Variants in NKAIN2 observed in about 807,000 individuals in gnomAD.
NKAIN2 encodes sodium/potassium transporting ATPase interacting 2.
In NKAIN2, 14 loss-of-function variants were observed where a neutral mutation model predicts 32.6. The observed-to-expected ratio is 0.43, with a 90% CI of 0.28 to 0.67. NKAIN2 has a LOEUF of 0.67. NKAIN2 is among the 30% of genes least tolerant of loss of function. The pLI is 0.17. For missense variants in NKAIN2, 198 were observed against 258.3 expected, an observed-to-expected ratio of 0.77 and a Z score of 1.60; for synonymous variants, 80 against 87.2, an observed-to-expected ratio of 0.92 and a Z score of 0.46.
intron 2 of NKAIN2, among the ~76,000 whole-genome samples, chr6:124,297,242 T>C (rs1472330570): frequency 6.6e-6 from 1 of 152,200 alleles, no homozygotes. Flanking sequence ...TAGTCTATTA[T>C]TTATTGGAAG....
At chr6:124,727,749 A>C in intron 4 of NKAIN2, among the ~76,000 whole-genome samples, 1 of 138,648 alleles carries the variant, frequency 7.2e-6, no homozygotes. Flanking sequence ...TCCAATTAAA[A>C]GACACAGACT....
chr6:124,283,970 G>T (rs1279516271), intron 2 of NKAIN2, among the ~76,000 whole-genome samples: 1 of 152,180 alleles, frequency 6.6e-6, no homozygotes, highest in Admixed American at 6.5e-5. Flanking sequence ...CAAACCAGCA[G>T]CCCTTCTCAT....
At chr6:124,725,234 GCTTTT>G (rs1776213976) in intron 4 of NKAIN2, among the ~76,000 whole-genome samples, 1 of 152,058 alleles carries the variant, frequency 6.6e-6, no homozygotes, top group South Asian at 2.1e-4. Flanking sequence ...TAGAAAACTG[GCTTTT>G]CTTTTGGCCA....
At chr6:124,509,511 A>C (rs1778627998) in intron 3 of NKAIN2, among the ~76,000 whole-genome samples, 1 of 152,184 alleles carries the variant, frequency 6.6e-6, no homozygotes, top group East Asian at 1.9e-4. Context: ...CTTGCTAGTT[A>C]GACGTCTTTA....
intron 1 of NKAIN2, among the ~76,000 whole-genome samples, chr6:124,234,686 G>C (rs550399304): frequency 6.6e-6 from 1 of 151,814 alleles, no homozygotes; most frequent in South Asian, 2.1e-4. Context: ...ATCCTCCATC[G>C]GTGTTGTCTA....
At chr6:124,592,178 G>A (rs1391587911) in intron 3 of NKAIN2, among the ~76,000 whole-genome samples, 1 of 152,128 alleles carries the variant, frequency 6.6e-6, no homozygotes, top group Non-Finnish European at 1.5e-5. Flanking sequence ...TAAACTTGGA[G>A]TTTGATAGAG....
chr6:123,920,341 T>G (rs1382709741), intron 1 of NKAIN2, among the ~76,000 whole-genome samples: 1 of 152,156 alleles, frequency 6.6e-6, no homozygotes, highest in African/African-American at 2.4e-5. Flanking sequence ...TTGGGCTGAT[T>G]TTTGGTGCAC....
At chr6:124,092,494 T>A (rs1784475011) in intron 1 of NKAIN2, among the ~76,000 whole-genome samples, 1 of 152,068 alleles carries the variant, frequency 6.6e-6, no homozygotes, top group East Asian at 1.9e-4. Flanking sequence ...TATTAAAAAC[T>A]TTTTTTCTGT....
chr6:123,884,890 T>A (rs1237362372), intron 1 of NKAIN2, among the ~76,000 whole-genome samples: 1 of 152,158 alleles, frequency 6.6e-6, no homozygotes, highest in African/African-American at 2.4e-5. Flanking sequence ...TAACAGTGTC[T>A]ATATTTTTAG....
chr6:124,257,108 C>T (rs1312125692), intron 1 of NKAIN2, among the ~76,000 whole-genome samples: 2 of 151,390 alleles, frequency 1.3e-5, no homozygotes, highest in Non-Finnish European at 2.9e-5. Context: ...CACCTCTAAT[C>T]AGACTGGTCA....
chr6:124,118,006 T>C (rs1785699276), intron 1 of NKAIN2, among the ~76,000 whole-genome samples: 1 of 151,962 alleles, frequency 6.6e-6, no homozygotes, highest in African/African-American at 2.4e-5. Flanking sequence ...GCCCTGTAGA[T>C]AGCTGCAGAT....
intron 3 of NKAIN2, among the ~76,000 whole-genome samples, chr6:124,407,959 T>A (rs1304460822): frequency 6.6e-6 from 1 of 151,972 alleles, no homozygotes; most frequent in African/African-American, 2.4e-5. Flanking sequence ...ATGATGAGCA[T>A]TTTTTCATGT....
rs189501582 is a variant in NKAIN2, at chr6:124,565,200, T to C, written c.274-92986T>C. Among the ~76,000 whole-genome samples, 13 of 152,292 alleles carry C rather than the reference T, an allele frequency of 8.5e-5. No individual in the cohort carries two copies. In the East Asian group the frequency reaches 2.5e-3, roughly 29 times the overall value. ...TAACTTTGCATATCCAGAAACTTGATTCTTAGTGCTCAGGCAGAATGAGCA... is the reference window on the plus strand; with the variant it reads ...TAACTTTGCATATCCAGAAACTTGACTCTTAGTGCTCAGGCAGAATGAGCA... On this transcript the variant is annotated intron_variant, in intron 3 of 6. Coordinates refer to ENST00000368417, the MANE Select transcript of NKAIN2 (RefSeq NM_001040214.3).
chr6:124,532,170 A>C (rs1779550082), intron 3 of NKAIN2, among the ~76,000 whole-genome samples: 1 of 152,196 alleles, frequency 6.6e-6, no homozygotes, highest in East Asian at 1.9e-4. Flanking sequence ...AAGAAGGTGC[A>C]GGGAGTGCCT....
At chr6:124,722,027 A>G (rs889423227) in intron 4 of NKAIN2, among the ~76,000 whole-genome samples, 3 of 152,140 alleles carry the variant, frequency 2.0e-5, no homozygotes, top group Non-Finnish European at 2.9e-5. Flanking sequence ...TTTCTCCTCC[A>G]TGATTTTGAC....
At chr6:124,024,402 C>T (rs968233310) in intron 1 of NKAIN2, among the ~76,000 whole-genome samples, 2 of 152,112 alleles carry the variant, frequency 1.3e-5, no homozygotes, top group Admixed American at 6.6e-5. Context: ...TGCTGAACGT[C>T]GGCCTCTCCC....
chr6:124,085,249 A>G (rs989507411), intron 1 of NKAIN2, among the ~76,000 whole-genome samples: 1 of 152,106 alleles, frequency 6.6e-6, no homozygotes, highest in Non-Finnish European at 1.5e-5. Flanking sequence ...TTGAAATACC[A>G]TAAATTTTTC....
At chr6:123,849,621 C>T (rs62436068) in intron 1 of NKAIN2, among the ~76,000 whole-genome samples, 2,281 of 152,184 alleles carry the variant, frequency 0.015, 32 homozygotes, top group Non-Finnish European at 0.025. Flanking sequence ...CGGCAGTCTG[C>T]AGGCAACTTT....
At chr6:124,029,740 G>A (rs1005025696) in intron 1 of NKAIN2, among the ~76,000 whole-genome samples, 4 of 152,152 alleles carry the variant, frequency 2.6e-5, no homozygotes, top group Admixed American at 2.6e-4. Flanking sequence ...CCAGGCAACA[G>A]CAGCAGGAGG....
Sources: allele counts gnomAD v4.1 joint callset (sites outside exome capture counted in the v4.1 genomes callset), GRCh38; gene constraint gnomAD v4.1.1; transcripts MANE v1.5; gene names NCBI Gene and HGNC (gene_info 2026-07-23, HGNC 2026-07-21).